The following TRIM16 variants were observed in gnomAD, a reference collection of about 807,000 sequenced individuals.
TRIM16 encodes tripartite motif containing 16, also known as tripartite motif-containing protein 16.
A neutral mutation model predicts 50.4 loss-of-function variants in TRIM16; 33 were observed. The observed-to-expected ratio is 0.65, with a 90% CI of 0.50 to 0.88. The LOEUF (loss-of-function observed/expected upper bound fraction) is 0.88. TRIM16 is among the 40% of genes least tolerant of loss of function. TRIM16 has a pLI of 0.00. For missense variants in TRIM16, 581 were observed against 686.8 expected, an observed-to-expected ratio of 0.85 and a Z score of 1.72; for synonymous variants, 229 against 270.7, an observed-to-expected ratio of 0.85 and a Z score of 1.51.
At chr17:15,651,968 T>C in intron 6 of TRIM16, 22 bp from the exon 7 acceptor site, 1 of 1,196,566 alleles carries the variant, frequency 8.4e-7, no homozygotes, top group Non-Finnish European at 1.0e-6. Context: ...AGAAGATTCC[T>C]GAGCTCTGTT....
At chr17:15,657,823 A>T (rs1053807105) in intron 6 of TRIM16, among the ~76,000 whole-genome samples, 1 of 152,202 alleles carries the variant, frequency 6.6e-6, no homozygotes, top group African/African-American at 2.4e-5. Context: ...TGCCCCGTGG[A>T]AAAAATGCCT....
rs531724088 is a variant in TRIM16 at position 15,669,562 on chromosome 17, C to T, written c.-338+7614G>A. Among the ~76,000 whole-genome samples, 12 of 151,846 alleles carry T rather than the reference C, an allele frequency of 7.9e-5. No homozygotes were observed. The South Asian group carries it at 2.3e-3, about 29-fold the overall frequency. On this transcript the variant is annotated intron_variant, in intron 6 of 11. Transcript: ENST00000649191. ...GGAACTCAGGAAGCCCTTTCTTTTA[C>T]TTATACACTTCTACAGTATACTATT...
chr17:15,638,258 TAAAA>T (rs535590168), intron 8 of TRIM16, among the ~76,000 whole-genome samples: 4 of 115,078 alleles, frequency 3.5e-5, no homozygotes, highest in African/African-American at 1.4e-4. Flanking sequence ...AAAATAAATT[TAAAA>T]AAAAAAAAAA....
chr17:15,649,412 T>TA (rs1987573768), intron 7 of TRIM16, among the ~76,000 whole-genome samples: 1 of 152,040 alleles, frequency 6.6e-6, no homozygotes, highest in African/African-American at 2.4e-5. Flanking sequence ...GCAGCCTCCC[T>TA]AGCAGCTGGG....
chr17:15,679,920 G>C lies in TRIM16; in HGVS notation c.-590+945C>G, dbSNP rs138713880. 6.1e-3 allele frequency among the ~76,000 whole-genome samples: 867 copies of C among 141,418 alleles called. 7 individuals are homozygous for C. Among genetic ancestry groups the C allele is most frequent in the African/African-American group, 0.022 (816 of 37,412 alleles). The allele number at this position is 141,418 out of a possible 152,430, so 92.8% of individuals were successfully genotyped here. ...CCACTGCACTCCAGCCTGGGCGAGA[G>C]AGCGAGACTATGTCTCAAAAAAAAA... is the stretch of plus-strand genomic sequence containing the variant. On this transcript the variant is annotated intron_variant, in intron 4 of 11. Coordinates refer to ENST00000649191, the MANE Select transcript of TRIM16 (RefSeq NM_001348119.1).
intron 9 of TRIM16, among the ~76,000 whole-genome samples, chr17:15,633,786 G>A (rs898137770): frequency 2.0e-5 from 3 of 150,622 alleles, no homozygotes; most frequent in African/African-American, 7.3e-5. Flanking sequence ...ATGATCTGCC[G>A]GCCATGGCCT....
chr17:15,670,550 C>T (rs532686124), intron 6 of TRIM16, among the ~76,000 whole-genome samples: 3 of 152,126 alleles, frequency 2.0e-5, no homozygotes, highest in Non-Finnish European at 2.9e-5. Context: ...CCAAATAGCA[C>T]GGGCATATCA....
At chr17:15,675,295 C>T (rs909407305) in intron 6 of TRIM16, among the ~76,000 whole-genome samples, 45 of 152,122 alleles carry the variant, frequency 3.0e-4, no homozygotes, top group Non-Finnish European at 5.4e-4. Context: ...TAAAGCATCG[C>T]CACTGTAACA....
At chr17:15,631,941 G>T in intron 10 of TRIM16, 1 of 551,044 alleles carries the variant, frequency 1.8e-6, no homozygotes. Context: ...TAAAAGTATA[G>T]GCATCAGCAA....
chr17:15,650,941 C>T (rs1719820264), intron 7 of TRIM16, 150 bp downstream of exon 7: 1 of 1,152,604 alleles, frequency 8.7e-7, no homozygotes, highest in Non-Finnish European at 1.2e-6. Flanking sequence ...TATATTTACA[C>T]TGACCCAGCA....
intron 6 of TRIM16, among the ~76,000 whole-genome samples, chr17:15,664,834 T>A (rs957288627): frequency 2.0e-5 from 3 of 151,698 alleles, no homozygotes; most frequent in African/African-American, 7.3e-5. Flanking sequence ...CAGTTCGAGA[T>A]CAGCCTGGCC....
At chr17:15,673,912 T>C (rs1438313043) in intron 6 of TRIM16, among the ~76,000 whole-genome samples, 2 of 152,180 alleles carry the variant, frequency 1.3e-5, no homozygotes, top group East Asian at 1.9e-4. Context: ...CTAACTCTTC[T>C]GTTGGGATTG....
At chr17:15,680,130 TA>T (rs1989124935) in intron 4 of TRIM16, among the ~76,000 whole-genome samples, 2 of 152,160 alleles carry the variant, frequency 1.3e-5, no homozygotes, top group Admixed American at 6.5e-5. Flanking sequence ...TAACTTTCTA[TA>T]AATCTTTCAA....
At chr17:15,648,572 T>C (rs1987532148) in intron 7 of TRIM16, among the ~76,000 whole-genome samples, 1 of 152,046 alleles carries the variant, frequency 6.6e-6, no homozygotes, top group Non-Finnish European at 1.5e-5. Context: ...CCTGTCCGAG[T>C]AATTAGCCCT....
chr17:15,650,046 T>C (rs9897819), intron 7 of TRIM16, among the ~76,000 whole-genome samples: 1,892 of 152,298 alleles, frequency 0.012, 36 homozygotes, highest in African/African-American at 0.044. Context: ...GCATCTGGAA[T>C]ACAGAGGTTT....
chr17:15,663,427 A>G (rs1258638726), intron 6 of TRIM16, among the ~76,000 whole-genome samples: 3 of 152,196 alleles, frequency 2.0e-5, no homozygotes, highest in African/African-American at 7.2e-5. Flanking sequence ...TATCTCTGGA[A>G]TTCCACCTTC....
At chr17:15,665,039 A>G (rs1472557710) in intron 6 of TRIM16, among the ~76,000 whole-genome samples, 1 of 151,760 alleles carries the variant, frequency 6.6e-6, no homozygotes, top group African/African-American at 2.4e-5. Flanking sequence ...CTCAAAAAAA[A>G]AAAAAAAAAA....
chr17:15,665,928 A>G (rs954469134), intron 6 of TRIM16, among the ~76,000 whole-genome samples: 12 of 151,754 alleles, frequency 7.9e-5, no homozygotes, highest in Non-Finnish European at 1.6e-4. Context: ...CCAACACAAC[A>G]AATTTAACCC....
intron 7 of TRIM16, among the ~76,000 whole-genome samples, chr17:15,650,679 C>G (rs1432406110): frequency 6.6e-6 from 1 of 152,098 alleles, no homozygotes; most frequent in Non-Finnish European, 1.5e-5. Context: ...GAATTTCTGC[C>G]AAGGTTTTAT....
Sources: gnomAD v4.1 joint callset for allele counts (sites outside exome capture counted in the v4.1 genomes callset) on GRCh38, gnomAD v4.1.1 for gene constraint, MANE v1.5 for transcripts, NCBI Gene and HGNC (gene_info 2026-07-23, HGNC 2026-07-21) for gene names.